The following DNAH5 variants were observed in gnomAD, a reference collection of about 807,000 sequenced individuals.
DNAH5 encodes the protein axonemal beta dynein heavy chain 5.
Under a neutral mutation model 518.2 loss-of-function variants are expected in DNAH5, and 372 were observed. That is an observed-to-expected ratio of 0.72 (90% confidence interval 0.66 to 0.78). The LOEUF (loss-of-function observed/expected upper bound fraction) is 0.78, where lower values mean the gene tolerates loss of function less well. Ranked by LOEUF, DNAH5 falls within the 30% of genes least tolerant of loss-of-function variation. The pLI is 0.00. For missense variants in DNAH5, 5,523 were observed against 5,687.0 expected, an observed-to-expected ratio of 0.97 and a Z score of 0.93; for synonymous variants, 2,039 against 2,025.9, an observed-to-expected ratio of 1.01 and a Z score of -0.17.
chr5:13,870,895 T>A lies in DNAH5; in HGVS notation c.3706A>T (p.Ile1236Phe). 1.2e-6 allele frequency: 2 copies of A among 1,613,900 alleles called. No individual in the cohort carries two copies. The highest frequency in any genetic ancestry group is 1.7e-6 in the Non-Finnish European group (2 of 1,179,856). The change falls in exon 24 of 79, where the codon ATT becomes TTT. Residue 1236 changes from isoleucine to phenylalanine, a missense_variant. Ile to Phe is a conservative substitution (Grantham distance 21, BLOSUM62 0). Transcript: ENST00000265104. ...TTTAGTTTCTTATTGAATTCTTCAA[T>A]AAGCATAAAAATGTTTTCCATCTCA... ...RSEMENIFML[I>F]EEFNKKLNRP...
intron 65 of DNAH5, among the ~76,000 whole-genome samples, chr5:13,741,580 C>A (rs1024289614): frequency 7.2e-5 from 11 of 152,092 alleles, no homozygotes; most frequent in Non-Finnish European, 1.6e-4. Context: ...AAATTAATTT[C>A]CATAAGCAGT....
chr5:13,965,296 T>A (rs1309716158), intron 1 of DNAH5, among the ~76,000 whole-genome samples: 1 of 152,216 alleles, frequency 6.6e-6, no homozygotes, highest in Admixed American at 6.5e-5. Context: ...ATTCTCTGGA[T>A]AAACTGGACA....
chr5:13,950,910 C>A (rs1780341127), intron 1 of DNAH5, among the ~76,000 whole-genome samples: 1 of 152,020 alleles, frequency 6.6e-6, no homozygotes, highest in South Asian at 2.1e-4. Flanking sequence ...TAAAGGACAA[C>A]CAACAGCTTG....
intron 35 of DNAH5, among the ~76,000 whole-genome samples, chr5:13,833,761 T>C (rs9654444): frequency 0.41 from 62,979 of 152,082 alleles, 13,482 homozygotes; most frequent in East Asian, 0.61. Flanking sequence ...CCTCAATTTC[T>C]TCTGCCTTCT....
chr5:13,934,160 A>C (rs1373718698), intron 1 of DNAH5, among the ~76,000 whole-genome samples: 1 of 152,176 alleles, frequency 6.6e-6, no homozygotes, highest in Non-Finnish European at 1.5e-5. Context: ...GTTGCCTCAG[A>C]ACTCAGCCAT....
chr5:13,851,225 A>G (rs1766791956), intron 30 of DNAH5, among the ~76,000 whole-genome samples: 1 of 149,710 alleles, frequency 6.7e-6, no homozygotes, highest in Non-Finnish European at 1.5e-5. Context: ...ATAAAGATAC[A>G]AAATTAATTC....
chr5:13,773,482 C>A (rs1753633505), intron 55 of DNAH5, among the ~76,000 whole-genome samples: 1 of 152,068 alleles, frequency 6.6e-6, no homozygotes, highest in Non-Finnish European at 1.5e-5. Flanking sequence ...CAAAGTTGAA[C>A]TAGAGAAAGA....
At chr5:13,920,740 A>G (rs1365241009) in intron 5 of DNAH5, 123 bp from the exon 6 acceptor site, 3 of 990,420 alleles carry the variant, frequency 3.0e-6, no homozygotes, top group African/African-American at 3.2e-5. Context: ...GGTAGCACAT[A>G]CCTCCTCTCC....
intron 27 of DNAH5, 42 bp from the exon 28 acceptor site, chr5:13,864,679 G>T: frequency 6.2e-7 from 1 of 1,611,616 alleles, no homozygotes. Context: ...GAAATATGAT[G>T]GTAGACATCA....
At chr5:13,953,552 ATAAAGAACAAG>A in intron 1 of DNAH5, among the ~76,000 whole-genome samples, 1 of 152,232 alleles carries the variant, frequency 6.6e-6, no homozygotes, top group African/African-American at 2.4e-5. Context: ...CTATGAAAAC[ATAAAGAACAAG>A]ATAAGGCAAG....
chr5:13,769,184 T>G, intron 57 of DNAH5, 48 bp from the exon 58 acceptor site: 1 of 1,592,696 alleles, frequency 6.3e-7, no homozygotes, highest in African/African-American at 1.3e-5. Flanking sequence ...GTATTAAACA[T>G]CCAGCTGAAA....
intron 21 of DNAH5, among the ~76,000 whole-genome samples, 184 bp from the exon 22 acceptor site, chr5:13,877,001 G>A (rs558222537): frequency 6.6e-6 from 1 of 151,816 alleles, no homozygotes; most frequent in East Asian, 1.9e-4. Context: ...ATTAATCAAA[G>A]CTTGCAATAA....
chr5:13,964,578 C>A (rs1207352125), intron 1 of DNAH5, among the ~76,000 whole-genome samples: 3 of 152,164 alleles, frequency 2.0e-5, no homozygotes, highest in African/African-American at 7.2e-5. Context: ...CAGTGGTCAC[C>A]AAAATTGGGC....
intron 1 of DNAH5, among the ~76,000 whole-genome samples, chr5:13,938,190 C>T (rs77337247): frequency 1.8e-3 from 271 of 152,222 alleles, no homozygotes; most frequent in African/African-American, 6.0e-3. Context: ...CATCTGCTCC[C>T]GGCACCCAAT....
intron 78 of DNAH5, among the ~76,000 whole-genome samples, chr5:13,696,502 C>A (rs1741418711): frequency 6.6e-6 from 1 of 152,078 alleles, no homozygotes; most frequent in Non-Finnish European, 1.5e-5. Context: ...TAGATTTCTT[C>A]TTGTAGAAAA....
intron 65 of DNAH5, among the ~76,000 whole-genome samples, 182 bp downstream of exon 65, chr5:13,750,896 G>GTAGATGA (rs1389649858): frequency 6.6e-6 from 1 of 152,134 alleles, no homozygotes; most frequent in Non-Finnish European, 1.5e-5. Flanking sequence ...AAACATATGA[G>GTAGATGA]TAGATGACTG....
At chr5:13,811,201 T>C (rs563757607) in intron 44 of DNAH5, among the ~76,000 whole-genome samples, 1 of 152,290 alleles carries the variant, frequency 6.6e-6, no homozygotes, top group South Asian at 2.1e-4. Context: ...CCAATTGTAA[T>C]GTTCATAACA....
chr5:13,949,502 A>T (rs922122643), upstream of DNAH5, among the ~76,000 whole-genome samples: 1 of 152,224 alleles, frequency 6.6e-6, no homozygotes, highest in Non-Finnish European at 1.5e-5. Context: ...GAAATTATAC[A>T]GGGTAATCTT....
intron 1 of DNAH5, among the ~76,000 whole-genome samples, chr5:13,941,362 T>C (rs1000718513): frequency 2.0e-5 from 3 of 152,000 alleles, no homozygotes; most frequent in Admixed American, 6.5e-5. Context: ...TCTCTAAAAA[T>C]GGAAAAAAAA....
Sources: gnomAD v4.1 joint callset for allele counts (sites outside exome capture counted in the v4.1 genomes callset) on GRCh38, gnomAD v4.1.1 for gene constraint, MANE v1.5 for transcripts, NCBI Gene and HGNC (gene_info 2026-07-23, HGNC 2026-07-21) for gene names.